The following ACAA2 variants were observed in gnomAD, a reference collection of about 807,000 sequenced individuals.
The protein encoded by ACAA2 is 3-ketoacyl-CoA thiolase, mitochondrial.
A neutral mutation model predicts 44.8 loss-of-function variants in ACAA2; 35 were observed. That is an observed-to-expected ratio of 0.78 (90% CI 0.60 to 1.04). The LOEUF is 1.04. ACAA2 is among the 50% of genes least tolerant of loss of function. The pLI is 0.00. For missense variants in ACAA2, 468 were observed against 482.6 expected, an observed-to-expected ratio of 0.97 and a Z score of 0.28; for synonymous variants, 142 against 166.5, an observed-to-expected ratio of 0.85 and a Z score of 1.13.
At chr18:49,799,352 T>C (rs2023501676) in intron 2 of ACAA2, among the ~76,000 whole-genome samples, 1 of 152,026 alleles carries the variant, frequency 6.6e-6, no homozygotes, top group Admixed American at 6.5e-5. Flanking sequence ...GTGCCTGCGA[T>C]TGCAGGCACG....
chr18:49,802,607 T>C (rs1261812651), intron 2 of ACAA2, 80 bp downstream of exon 2: 2 of 1,319,462 alleles, frequency 1.5e-6, no homozygotes, highest in Admixed American at 4.8e-5. Context: ...TTGTTTACCA[T>C]TATGATATGT....
intron 2 of ACAA2, among the ~76,000 whole-genome samples, chr18:49,800,223 G>A (rs1385997256): frequency 6.8e-6 from 1 of 146,962 alleles, no homozygotes; most frequent in East Asian, 2.1e-4. Context: ...GGGAGGTGGG[G>A]GGGTCAGCCC....
chr18:49,796,174 A>C (rs2023462956), intron 3 of ACAA2, among the ~76,000 whole-genome samples: 1 of 152,202 alleles, frequency 6.6e-6, no homozygotes, highest in African/African-American at 2.4e-5. Context: ...CTTGAAAATC[A>C]ACAGATATTA....
rs746271490 is a variant in ACAA2, at chr18:49,795,747, A to C, written c.429+18T>G. 6.7e-6 allele frequency: 10 copies of C among 1,485,242 alleles called. No individual in the cohort carries two copies. Among genetic ancestry groups the C allele is most frequent in the African/African-American group, 1.4e-5 (1 of 70,448 alleles). The allele number at this position is 1,485,242 out of a possible 1,614,324, so 92.0% of individuals were successfully genotyped here. On this transcript the variant is annotated intron_variant, in intron 4 of 9. Coordinates refer to ENST00000285093, the MANE Select transcript of ACAA2 (RefSeq NM_006111.3). Reference sequence around the variant, plus strand: ...ATGCTAATAAGAACTAATTCTTTTAAATTTTTATGGTTCCAACCTTGATAT... The same window carrying C: ...ATGCTAATAAGAACTAATTCTTTTACATTTTTATGGTTCCAACCTTGATAT...
chr18:49,798,213 C>A (rs2023487121), intron 2 of ACAA2, among the ~76,000 whole-genome samples: 1 of 152,084 alleles, frequency 6.6e-6, no homozygotes, highest in South Asian at 2.1e-4. Context: ...TAAAAAGCAT[C>A]CCAAGTAATT....
rs375639810 is a variant in ACAA2, at chr18:49,797,503, C to T, written c.275G>A (p.Cys92Tyr). 5.0e-6 allele frequency: 8 copies of T among 1,611,828 alleles called. No homozygotes were observed. In the African/African-American group the frequency reaches 9.4e-5, roughly 19 times the overall value. ...ETPALTINRL[C>Y]GSGFQSIVNG... is the part of the protein sequence containing the mutation. ...CACAATGGACTGAAAACCAGAACCACAGAGCCTATTAATCGTGAGAGCTGG... is the reference window on the plus strand; with the variant it reads ...CACAATGGACTGAAAACCAGAACCATAGAGCCTATTAATCGTGAGAGCTGG... Residue 92 changes from cysteine (C) to tyrosine (Y), a missense_variant, in exon 3 of 10, where the codon TGT (cysteine) becomes TAT (tyrosine). Cys to Tyr is a radical substitution (Grantham distance 194). Transcript: ENST00000285093.
chr18:49,786,904 CTTGTAGATTTGGCACTA>C (rs2023336841), intron 8 of ACAA2, among the ~76,000 whole-genome samples: 1 of 152,086 alleles, frequency 6.6e-6, no homozygotes, highest in Non-Finnish European at 1.5e-5. Context: ...GGGCAAGAAA[CTTGTAGATTTGGCACTA>C]AATATTGCTT....
intron 2 of ACAA2, among the ~76,000 whole-genome samples, chr18:49,799,713 C>T (rs1200032271): frequency 6.6e-6 from 1 of 151,558 alleles, no homozygotes; most frequent in African/African-American, 2.4e-5. Context: ...GCCTGGCTGC[C>T]CAGTCTGGAA....
chr18:49,784,660 T>C (rs937505008), intron 9 of ACAA2, among the ~76,000 whole-genome samples: 1 of 152,182 alleles, frequency 6.6e-6, no homozygotes, highest in East Asian at 1.9e-4. Context: ...GAGCAAAATA[T>C]TCCAAAAATA....
At chr18:49,784,219 T>C (rs2023300622) in intron 9 of ACAA2, among the ~76,000 whole-genome samples, 1 of 152,170 alleles carries the variant, frequency 6.6e-6, no homozygotes, top group Non-Finnish European at 1.5e-5. Context: ...TTAGGGTATA[T>C]GAAACACATA....
rs75276171 is a variant in ACAA2, at chr18:49,783,170, A to G, written c.*677T>C. 0.084 allele frequency: 12,796 copies of G among 152,348 alleles called. 665 individuals carry two copies. Among genetic ancestry groups the G allele is most frequent in the African/African-American group, 0.15 (6,186 of 41,548 alleles). The allele number at this position is 152,348 out of a possible 1,614,324, so 9.4% of individuals were successfully genotyped here. A position where few individuals can be genotyped will look rare whatever the true frequency, so the allele number is the denominator to read the frequency against. ...CATAAGGTGGATGAATCTTGAGAACATTATATAAAGTAAAGTAAAATAAGC... is the reference window on the plus strand; with the variant it reads ...CATAAGGTGGATGAATCTTGAGAACGTTATATAAAGTAAAGTAAAATAAGC... On this transcript the variant is annotated 3_prime_UTR_variant, in exon 10 of 10. Coordinates refer to ENST00000285093, the MANE Select transcript of ACAA2 (RefSeq NM_006111.3).
At chr18:49,795,726 T>C (rs1598795829) in intron 4 of ACAA2, 39 bp downstream of exon 4, 1 of 1,259,742 alleles carries the variant, frequency 7.9e-7, no homozygotes, top group Non-Finnish European at 1.1e-6. Flanking sequence ...TATATAATGC[T>C]AATAAGAACT....
At chr18:49,813,352 A>C in intron 1 of ACAA2, 117 bp downstream of exon 1, 1 of 780,538 alleles carries the variant, frequency 1.3e-6, no homozygotes, top group Admixed American at 4.3e-5. Context: ...AAAACCGAGG[A>C]GGTTGAGTGA....
chr18:49,794,359 C>G lies in ACAA2; in HGVS notation c.498G>C (p.Glu166Asp). The change falls in exon 5 of 10, where the codon GAG becomes GAC. Residue 166 changes from glutamate (E) to aspartate (D), a missense_variant. Transcript: ENST00000285093. ...HVQLPMAMTA[E>D]NLAVKHKISR... ...TTATTTTGTGTTTTACAGCAAGATTCTCTGCAGTCATTGCCATGGGGAGCT... is the reference window on the plus strand; with the variant it reads ...TTATTTTGTGTTTTACAGCAAGATTGTCTGCAGTCATTGCCATGGGGAGCT... The G allele has an allele frequency of 6.2e-7, 1 of 1,611,220 alleles. No homozygotes were observed. The highest frequency in any genetic ancestry group is 1.7e-5 in the Admixed American group (1 of 59,834).
At position 49,792,250 on chromosome 18, in the gene ACAA2, C is replaced by CCTGCATTGT. The variant is rs1172625142; in HGVS notation, c.646_654dup (p.Thr216_Gln218dup). 5 of 1,613,708 alleles carry CCTGCATTGT rather than the reference C, an allele frequency of 3.1e-6. No homozygotes were observed. In the African/African-American group the frequency reaches 6.7e-5, roughly 22 times the overall value. On this transcript the variant is annotated inframe_insertion, in exon 6 of 10. Coordinates refer to ENST00000285093, the MANE Select transcript of ACAA2 (RefSeq NM_006111.3). ...GTTTGGGGCCGAGCATGCTCGTCTA[C>CCTGCATTGT]CTGCATTGTCTGTTTTCCTTTCTTT...
At chr18:49,794,162 G>A in intron 5 of ACAA2, 118 bp downstream of exon 5, 1 of 758,662 alleles carries the variant, frequency 1.3e-6, no homozygotes, top group Non-Finnish European at 1.9e-6. Flanking sequence ...ATAATGAAAA[G>A]ATGTAATAAT....
At chr18:49,788,008 G>C (rs2023353984) in intron 7 of ACAA2, among the ~76,000 whole-genome samples, 1 of 152,194 alleles carries the variant, frequency 6.6e-6, no homozygotes, top group African/African-American at 2.4e-5. Flanking sequence ...AAGGTTTTAT[G>C]AAGTAAGGTG....
chr18:49,792,103 G>T (rs17713584), intron 6 of ACAA2, 49 bp downstream of exon 6: 3 of 1,499,520 alleles, frequency 2.0e-6, no homozygotes, highest in Non-Finnish European at 2.7e-6. Flanking sequence ...GATTACTTTT[G>T]TTGAACACAC....
intron 1 of ACAA2, among the ~76,000 whole-genome samples, chr18:49,811,006 C>A (rs943852970): frequency 2.1e-5 from 3 of 144,176 alleles, no homozygotes; most frequent in Admixed American, 6.9e-5. Context: ...AATTGTATAC[C>A]ATGTCAATTT....
Sources: gnomAD v4.1 joint callset for allele counts (sites outside exome capture counted in the v4.1 genomes callset) on GRCh38, gnomAD v4.1.1 for gene constraint, MANE v1.5 for transcripts, NCBI Gene and HGNC (gene_info 2026-07-23, HGNC 2026-07-21) for gene names.